LIPI: variants seen among roughly 807,000 people sequenced by gnomAD.
LIPI encodes lipase I, also known as lipase member I.
A neutral mutation model predicts 50.6 loss-of-function variants in LIPI; 59 were observed. The observed-to-expected ratio is 1.16, with a 90% CI of 0.94 to 1.45. The LOEUF is 1.45. Among genes scored for constraint, LIPI ranks in the 40% most tolerant of loss-of-function variants. LIPI has a pLI of 0.00. For missense variants in LIPI, 586 were observed against 536.3 expected (o/e 1.09, Z -0.92); for synonymous variants, 203 against 178.2 (o/e 1.14, Z -1.11).
chr21:14,122,483 CTATATATT>C (rs2016901090), intron 9 of LIPI, among the ~76,000 whole-genome samples: 1 of 152,172 alleles, frequency 6.6e-6, no homozygotes, highest in Non-Finnish European at 1.5e-5. Flanking sequence ...GAATCAGTTT[CTATATATT>C]TTGATGCCTG....
At chr21:14,122,072 C>T (rs2016883925) in intron 9 of LIPI, among the ~76,000 whole-genome samples, 1 of 152,188 alleles carries the variant, frequency 6.6e-6, no homozygotes, top group South Asian at 2.1e-4. Context: ...TTTGCAATTG[C>T]TATCAAACTT....
intron 6 of LIPI, 43 bp downstream of exon 6, chr21:14,165,180 C>A: frequency 7.1e-7 from 1 of 1,400,876 alleles, no homozygotes. Flanking sequence ...TTATGTTATT[C>A]ATATTAAATA....
chr21:14,122,419 G>A (rs372678493), intron 9 of LIPI, among the ~76,000 whole-genome samples: 40 of 152,190 alleles, frequency 2.6e-4, no homozygotes, highest in African/African-American at 9.6e-4. Context: ...TCCTAATAAC[G>A]TTGGAACTGG....
Position 14,206,853 on chromosome 21 carries a change from C to T in LIPI, c.46+3947G>A, listed in dbSNP as rs943783641. The stretch of plus-strand genomic sequence containing the variant: ...CACAACTAGAAGCCACAGGACATTT[C>T]TGGGTGAGAACTGAAAAGCATGAGC... On this transcript the variant is annotated intron_variant, in intron 1 of 9. Transcript: ENST00000681601. 5.6e-6 allele frequency: 9 copies of T among 1,612,330 alleles called. No individual in the cohort carries two copies. The African/African-American group carries it at 6.7e-5, about 12-fold the overall frequency.
At chr21:14,209,788 T>C (rs2020318869) in intron 1 of LIPI, among the ~76,000 whole-genome samples, 1 of 152,054 alleles carries the variant, frequency 6.6e-6, no homozygotes, top group South Asian at 2.1e-4. Flanking sequence ...GTATTAAAAA[T>C]GACACATAAG....
At chr21:14,176,790 T>TTTA (rs1034531042) in intron 4 of LIPI, among the ~76,000 whole-genome samples, 2 of 150,928 alleles carry the variant, frequency 1.3e-5, no homozygotes, top group African/African-American at 2.4e-5. Context: ...TATTTATTCT[T>TTTA]TTATTATTAT....
At chr21:14,141,450 C>T (rs2017704858) in intron 9 of LIPI, among the ~76,000 whole-genome samples, 1 of 151,760 alleles carries the variant, frequency 6.6e-6, no homozygotes, top group African/African-American at 2.4e-5. Context: ...TCATCTCACT[C>T]TTCACTCGTT....
chr21:14,109,032 C>T lies in LIPI; in HGVS notation c.1344G>A (p.Val448=), dbSNP rs760821800. The T allele has an allele frequency of 1.2e-6, 2 of 1,601,100 alleles. No homozygotes were observed. The highest frequency in any genetic ancestry group is 1.7e-6 in the Non-Finnish European group (2 of 1,168,538). Residue 448 remains valine (V), a synonymous_variant, in exon 10 of 10, where the codon GTG becomes GTA. Transcript: ENST00000681601. ...GTGTACATGTGTTTGGATTAAGAAA[C>T]ACTTCCTCTCTGTCTTTAAGTACAA... is the stretch of plus-strand genomic sequence containing the variant. ...YNIVLKDREE[V]FLNPNTCTPK...
At chr21:14,170,107 A>C (rs1693477917) in intron 4 of LIPI, among the ~76,000 whole-genome samples, 2 of 152,224 alleles carry the variant, frequency 1.3e-5, no homozygotes, top group South Asian at 4.1e-4. Context: ...TAAACTAGAA[A>C]ATCTAGAAGA....
chr21:14,193,897 A>T (rs1225984926), intron 1 of LIPI, among the ~76,000 whole-genome samples: 2 of 152,098 alleles, frequency 1.3e-5, no homozygotes, highest in Non-Finnish European at 2.9e-5. Context: ...GATATGGATT[A>T]ATTAATTAAT....
At chr21:14,118,277 G>A (rs2123325307) in intron 9 of LIPI, among the ~76,000 whole-genome samples, 1 of 152,164 alleles carries the variant, frequency 6.6e-6, no homozygotes, top group Non-Finnish European at 1.5e-5. Flanking sequence ...TTGTAGTAGG[G>A]CGCTGAAAAA....
rs116017625 is a variant in LIPI, at chr21:14,158,178, G to T, written c.1006+5241C>A. On this transcript the variant is annotated intron_variant, in intron 7 of 9. Coordinates refer to ENST00000681601, the MANE Select transcript of LIPI (RefSeq NM_001302998.2). Reference sequence around the variant, plus strand: ...CACATGTATTGCCAGTACACATGAAGCATGAGCCTAAAGAGATCAATGCTT... The same window carrying T: ...CACATGTATTGCCAGTACACATGAATCATGAGCCTAAAGAGATCAATGCTT... Among the ~76,000 whole-genome samples the T allele has an allele frequency of 8.6e-3, 1,306 of 151,846 alleles. 20 individuals are homozygous for T. The highest frequency in any genetic ancestry group is 0.029 in the African/African-American group (1,208 of 41,502).
intron 4 of LIPI, among the ~76,000 whole-genome samples, chr21:14,170,721 AATAACAGCTATCT>A (rs1462469600): frequency 6.6e-6 from 1 of 151,834 alleles, no homozygotes; most frequent in African/African-American, 2.4e-5. Context: ...ATCTCAAAAT[AATAACAGCTATCT>A]ATGACAAACC....
At chr21:14,117,045 G>T (rs1453173385) in intron 9 of LIPI, among the ~76,000 whole-genome samples, 1 of 152,138 alleles carries the variant, frequency 6.6e-6, no homozygotes, top group Non-Finnish European at 1.5e-5. Context: ...GGAAGAGCCA[G>T]GCCCACTGCT....
At chr21:14,184,264 G>C (rs1396199150) in intron 3 of LIPI, among the ~76,000 whole-genome samples, 1 of 152,082 alleles carries the variant, frequency 6.6e-6, no homozygotes, top group Non-Finnish European at 1.5e-5. Context: ...CTCATAGGTG[G>C]GAATTGAACA....
chr21:14,177,069 A>G (rs975834150), intron 4 of LIPI, among the ~76,000 whole-genome samples: 4 of 152,144 alleles, frequency 2.6e-5, no homozygotes, highest in African/African-American at 9.6e-5. Context: ...ATTATTCACT[A>G]TGATTGTGTA....
chr21:14,123,795 C>G lies in LIPI; in HGVS notation c.1296-14715G>C, dbSNP rs187849083. On this transcript the variant is annotated intron_variant, in intron 9 of 9. Transcript: ENST00000681601. ...ATCATAGTCAATAAGACAGCTCGAG[C>G]CGTGGATCTGTTAGCCATACAAGCC... Among the ~76,000 whole-genome samples, 18 of 152,226 alleles carry G rather than the reference C, an allele frequency of 1.2e-4. No homozygotes were observed. In the East Asian group the frequency reaches 3.3e-3, roughly 28 times the overall value.
At chr21:14,182,701 A>G (rs2123248739) in intron 3 of LIPI, among the ~76,000 whole-genome samples, 1 of 151,686 alleles carries the variant, frequency 6.6e-6, no homozygotes, top group East Asian at 1.9e-4. Flanking sequence ...CCACTGCTCA[A>G]TGAAATAAAA....
At chr21:14,148,974 G>A (rs891461528) in intron 8 of LIPI, among the ~76,000 whole-genome samples, 20 of 152,266 alleles carry the variant, frequency 1.3e-4, no homozygotes, top group African/African-American at 4.8e-4. Flanking sequence ...ATTAACTCAA[G>A]ACCAACAGTT....
Sources: gnomAD v4.1 joint callset for allele counts (sites outside exome capture counted in the v4.1 genomes callset) on GRCh38, gnomAD v4.1.1 for gene constraint, MANE v1.5 for transcripts, NCBI Gene and HGNC (gene_info 2026-07-23, HGNC 2026-07-21) for gene names.